The following PHACTR3 variants were observed in gnomAD, a reference collection of about 807,000 sequenced individuals.
PHACTR3 encodes the protein phosphatase and actin regulator 3.
A neutral mutation model predicts 66.8 loss-of-function variants in PHACTR3; 16 were observed. That is an observed-to-expected ratio of 0.24 (90% CI 0.16 to 0.36). PHACTR3 has a LOEUF of 0.36. PHACTR3 is among the 10% of genes least tolerant of loss of function. The probability of loss-of-function intolerance (pLI) is 1.00; values close to 1 mark genes in which losing one functional copy is unlikely to be tolerated. For missense variants in PHACTR3, 647 were observed against 719.9 expected, an observed-to-expected ratio of 0.90 and a Z score of 1.16; for synonymous variants, 323 against 292.1, an observed-to-expected ratio of 1.11 and a Z score of -1.08.
upstream of PHACTR3, among the ~76,000 whole-genome samples, chr20:59,601,793 A>G (rs1436584203): frequency 1.3e-5 from 2 of 152,246 alleles, no homozygotes; most frequent in African/African-American, 4.8e-5. Flanking sequence ...AGCTCTACCT[A>G]CCTTTAACAA....
At chr20:59,634,268 G>T (rs73914759) in intron 1 of PHACTR3, among the ~76,000 whole-genome samples, 9,423 of 152,232 alleles carry the variant, frequency 0.062, 1,001 homozygotes, top group African/African-American at 0.21. Flanking sequence ...ATCAGGCGGA[G>T]CTGGGTGTGA....
At chr20:59,760,497 C>T (rs2039959600) in intron 4 of PHACTR3, among the ~76,000 whole-genome samples, 1 of 152,146 alleles carries the variant, frequency 6.6e-6, no homozygotes, top group African/African-American at 2.4e-5. Flanking sequence ...GTGAATAAGC[C>T]TCATGAGATC....
At position 59,723,060 on chromosome 20, in the gene PHACTR3, C is replaced by CTCT. The variant is rs1466366874; in HGVS notation, c.119-20045_119-20043dup. 3.6e-3 allele frequency among the ~76,000 whole-genome samples: 424 copies of CTCT among 118,766 alleles called. 5 individuals are homozygous for CTCT. The highest frequency in any genetic ancestry group is 0.013 in the African/African-American group (400 of 30,566). The allele number at this position is 118,766 out of a possible 152,430, so 77.9% of individuals were successfully genotyped here. The stretch of plus-strand genomic sequence containing the variant: ...TATTTCTCTTTTTCTTTCTTTCTTT[C>CTCT]TCTTTCTTTCTTTCTTTCTTTCTTT... On this transcript the variant is annotated intron_variant, in intron 1 of 12. Coordinates refer to ENST00000371015, the MANE Select transcript of PHACTR3 (RefSeq NM_080672.5).
chr20:59,793,300 T>C (rs1013357660), intron 7 of PHACTR3, among the ~76,000 whole-genome samples: 8 of 152,206 alleles, frequency 5.3e-5, no homozygotes, highest in African/African-American at 1.7e-4. Flanking sequence ...TTTAGATTCA[T>C]TGTTTTCCTA....
At chr20:59,668,930 T>C (rs2036096472) in intron 1 of PHACTR3, among the ~76,000 whole-genome samples, 1 of 129,052 alleles carries the variant, frequency 7.7e-6, no homozygotes, top group African/African-American at 3.1e-5. Context: ...GTATTTTTAG[T>C]AGAGACAGGG....
At chr20:59,706,321 G>A (rs1006167293) in intron 1 of PHACTR3, among the ~76,000 whole-genome samples, 1 of 152,214 alleles carries the variant, frequency 6.6e-6, no homozygotes, top group African/African-American at 2.4e-5. Context: ...GGTCTAGGAC[G>A]CTGCATAAAC....
At chr20:59,733,090 G>A (rs977532407) in intron 1 of PHACTR3, among the ~76,000 whole-genome samples, 1 of 60,562 alleles carries the variant, frequency 1.7e-5, no homozygotes, top group Non-Finnish European at 3.5e-5. Flanking sequence ...TTTTTTTTTT[G>A]CATCCCTCCC....
intron 1 of PHACTR3, among the ~76,000 whole-genome samples, chr20:59,720,424 G>T (rs1179379779): frequency 1.3e-5 from 2 of 151,920 alleles, no homozygotes; most frequent in Admixed American, 6.5e-5. Context: ...TTTGCATACT[G>T]GGGGGGCACT....
chr20:59,806,883 C>G (rs1174950006), intron 8 of PHACTR3, among the ~76,000 whole-genome samples: 2 of 152,218 alleles, frequency 1.3e-5, no homozygotes, highest in Non-Finnish European at 2.9e-5. Flanking sequence ...GTAGGCAATT[C>G]TAGCACGTTA....
intron 1 of PHACTR3, among the ~76,000 whole-genome samples, chr20:59,593,439 C>T (rs924495326): frequency 2.0e-5 from 3 of 151,974 alleles, no homozygotes; most frequent in East Asian, 1.9e-4. Flanking sequence ...TATTTTCTCC[C>T]AGTCTTCAGC....
intron 8 of PHACTR3, among the ~76,000 whole-genome samples, chr20:59,825,782 G>A (rs2042173075): frequency 1.3e-5 from 2 of 152,182 alleles, no homozygotes; most frequent in South Asian, 2.1e-4. Flanking sequence ...AGCTTGGCAT[G>A]TGCTGTGGTC....
intron 1 of PHACTR3, among the ~76,000 whole-genome samples, chr20:59,613,358 A>G (rs185475641): frequency 6.6e-6 from 1 of 152,318 alleles, no homozygotes; most frequent in East Asian, 1.9e-4. Context: ...CTCCAGCAAC[A>G]AGTACATTTT....
chr20:59,599,421 C>T (rs569031127), intron 1 of PHACTR3, among the ~76,000 whole-genome samples: 9 of 152,112 alleles, frequency 5.9e-5, no homozygotes, highest in Non-Finnish European at 1.2e-4. Flanking sequence ...AAGAAGACGG[C>T]GGAATTGAGC....
At position 59,609,494 on chromosome 20, in the gene PHACTR3, C is replaced by G. The variant is rs73301416; in HGVS notation, c.118+4362C>G. 5.2e-3 allele frequency among the ~76,000 whole-genome samples: 776 copies of G among 150,528 alleles called. 8 individuals are homozygous for G. Among genetic ancestry groups the G allele is most frequent in the African/African-American group, 0.018 (725 of 40,998 alleles). On this transcript the variant is annotated intron_variant, in intron 1 of 12. Coordinates refer to ENST00000371015, the MANE Select transcript of PHACTR3 (RefSeq NM_080672.5). ...CTCCCACCCCCACCCCCACCCTCAC[C>G]CCCACCAGGGTTTAGCTCCTACCTT... is the stretch of plus-strand genomic sequence containing the variant.
At chr20:59,750,493 A>G (rs2039538687) in intron 3 of PHACTR3, among the ~76,000 whole-genome samples, 1 of 152,156 alleles carries the variant, frequency 6.6e-6, no homozygotes, top group Non-Finnish European at 1.5e-5. Context: ...AGCAGCAAGC[A>G]CAAGTCCCCG....
At chr20:59,679,174 G>A (rs185466208) in intron 1 of PHACTR3, among the ~76,000 whole-genome samples, 1 of 152,206 alleles carries the variant, frequency 6.6e-6, no homozygotes, top group Non-Finnish European at 1.5e-5. Flanking sequence ...TGTCCACGCG[G>A]TTGAAGATGG....
intron 1 of PHACTR3, among the ~76,000 whole-genome samples, chr20:59,615,766 C>G (rs2034005175): frequency 6.6e-6 from 1 of 152,186 alleles, no homozygotes; most frequent in Admixed American, 6.5e-5. Flanking sequence ...AGGCTGGAAA[C>G]CTTCACTTAT....
chr20:59,629,058 G>A (rs1028388135), intron 1 of PHACTR3, among the ~76,000 whole-genome samples: 1 of 152,192 alleles, frequency 6.6e-6, no homozygotes, highest in African/African-American at 2.4e-5. Context: ...TGTTTTTTCA[G>A]TGAATAATTG....
chr20:59,622,981 C>CAAAA (rs71183177), intron 1 of PHACTR3, among the ~76,000 whole-genome samples: 996 of 32,170 alleles, frequency 0.031, 146 homozygotes, highest in African/African-American at 0.061. Context: ...CAGCTTTAAC[C>CAAAA]AAAAAAAAAA....
Sources: allele counts gnomAD v4.1 joint callset (sites outside exome capture counted in the v4.1 genomes callset), GRCh38; gene constraint gnomAD v4.1.1; transcripts MANE v1.5; gene names NCBI Gene and HGNC (gene_info 2026-07-23, HGNC 2026-07-21).